The following AIDA variants were observed in gnomAD, a reference collection of about 807,000 sequenced individuals.
The protein encoded by AIDA is axin interactor, dorsalization-associated protein.
AIDA carries 18 observed loss-of-function variants against 42.7 expected under a neutral mutation model. The observed-to-expected ratio is 0.42, with a 90% CI of 0.29 to 0.63. The LOEUF is 0.63. Among genes scored for constraint, AIDA ranks in the 20% least tolerant of loss-of-function variants. AIDA has a pLI of 0.19. For missense variants in AIDA, 250 were observed against 354.1 expected (o/e 0.71, Z 2.36); for synonymous variants, 104 against 122.9 (o/e 0.85, Z 1.02).
At chr1:222,698,814 T>G (rs982811782) in intron 2 of AIDA, among the ~76,000 whole-genome samples, 1 of 152,010 alleles carries the variant, frequency 6.6e-6, no homozygotes, top group Non-Finnish European at 1.5e-5. Flanking sequence ...AGAAAGCACT[T>G]TAAAAATATG....
At chr1:222,712,036 C>A (rs1269845920) in intron 1 of AIDA, 172 bp downstream of exon 1, 2 of 965,878 alleles carry the variant, frequency 2.1e-6, no homozygotes, top group Non-Finnish European at 3.1e-6. Flanking sequence ...GAGCCGTTGT[C>A]CCTAGAGCAG....
At position 222,687,640 on chromosome 1, in the gene AIDA, G is replaced by A. The variant is rs753604271; in HGVS notation, c.308C>T (p.Thr103Ile). The change falls in exon 5 of 10, where the codon ACA (threonine) becomes ATA (isoleucine). Residue 103 changes from threonine (T) to isoleucine (I), a missense_variant. Thr to Ile is a moderately conservative substitution (Grantham distance 89, BLOSUM62 -1). Coordinates refer to ENST00000340020, the MANE Select transcript of AIDA (RefSeq NM_022831.4). Reference sequence around the variant, plus strand: ...ATCAAATGGGAATTCTTTATTATATGTAAGAATATTCTTTAGGACTAGAAT... The same window carrying A: ...ATCAAATGGGAATTCTTTATTATATATAAGAATATTCTTTAGGACTAGAAT... ...KLEPILKNIL[T>I]YNKEFPFDVQ... The A allele has an allele frequency of 2.0e-6, 3 of 1,491,258 alleles. No homozygotes were observed. The highest frequency in any genetic ancestry group is 1.8e-6 in the Non-Finnish European group (2 of 1,098,830). 92.4% of individuals were successfully genotyped at this position (1,491,258 alleles called of 1,614,324 possible). A position where few individuals can be genotyped will look rare whatever the true frequency, so the allele number is the denominator to read the frequency against.
At chr1:222,694,323 A>T in intron 2 of AIDA, 60 bp from the exon 3 acceptor site, 1 of 1,334,296 alleles carries the variant, frequency 7.5e-7, no homozygotes, top group Non-Finnish European at 1.1e-6. Flanking sequence ...AGTTCAAATC[A>T]TCAAGTTAAT....
At chr1:222,681,542 A>G (rs1664652577) in intron 6 of AIDA, among the ~76,000 whole-genome samples, 2 of 152,190 alleles carry the variant, frequency 1.3e-5, no homozygotes, top group Non-Finnish European at 1.5e-5. Context: ...GCATGACTGT[A>G]ATCGAAGCTA....
intron 6 of AIDA, among the ~76,000 whole-genome samples, chr1:222,684,985 G>GA (rs1664717190): frequency 6.6e-6 from 1 of 152,128 alleles, no homozygotes; most frequent in Admixed American, 6.5e-5. Context: ...TCGAGTCAGT[G>GA]AAACAGCAAA....
At chr1:222,695,020 T>C (rs1407807122) in intron 2 of AIDA, among the ~76,000 whole-genome samples, 3 of 152,222 alleles carry the variant, frequency 2.0e-5, no homozygotes, top group African/African-American at 4.8e-5. Context: ...ATGGTTCAAT[T>C]GTCTAAAGTC....
At position 222,673,303 on chromosome 1, in the gene AIDA, G is replaced by A; in HGVS notation, c.706+10C>T. 6.3e-7 allele frequency: 1 copy of A among 1,599,194 alleles called. No individual in the cohort carries two copies. The highest frequency in any genetic ancestry group is 8.5e-7 in the Non-Finnish European group (1 of 1,172,662). On this transcript the variant is annotated intron_variant, in intron 8 of 9. Transcript: ENST00000340020. ...CCATAAGAAGCCAAGTATTATTTAG[G>A]ATTACAAACCTTTGGTTAATTTTTC...
At chr1:222,700,724 C>G (rs1482276617) in intron 2 of AIDA, among the ~76,000 whole-genome samples, 1 of 148,934 alleles carries the variant, frequency 6.7e-6, no homozygotes, top group South Asian at 2.1e-4. Context: ...CACTGCACTC[C>G]GGCCTGGGTG....
intron 4 of AIDA, among the ~76,000 whole-genome samples, chr1:222,688,603 A>T (rs1005389395): frequency 6.9e-6 from 1 of 145,214 alleles, no homozygotes; most frequent in South Asian, 2.2e-4. Context: ...AAAAAAGTTA[A>T]TTTTTTTTTT....
chr1:222,689,569 G>GTATATATGTA (rs1558211826), intron 4 of AIDA, among the ~76,000 whole-genome samples: 6 of 100,468 alleles, frequency 6.0e-5, no homozygotes, highest in Non-Finnish European at 9.5e-5. Context: ...GTATATATAT[G>GTATATATGTA]TATATATATA....
In AIDA at chr1:222,671,196, C is replaced by A. The variant is rs528983951; in HGVS notation, c.707-946G>T. On this transcript the variant is annotated intron_variant, in intron 8 of 9. Transcript: ENST00000340020. ...TGAGCCATGATCATGCCACTGTGCC[C>A]CAGCCTGTGTGACAAAGTGAGACTC... Among the ~76,000 whole-genome samples the A allele has an allele frequency of 3.9e-5, 6 of 152,016 alleles. No homozygotes were observed. The East Asian group carries it at 1.2e-3, about 29-fold the overall frequency.
chr1:222,705,406 C>A (rs1655812274), intron 1 of AIDA, among the ~76,000 whole-genome samples: 1 of 152,156 alleles, frequency 6.6e-6, no homozygotes, highest in African/African-American at 2.4e-5. Context: ...AACTATACAT[C>A]CCTGAACTCA....
intron 8 of AIDA, among the ~76,000 whole-genome samples, chr1:222,671,617 C>T (rs1380791372): frequency 6.6e-6 from 1 of 152,168 alleles, no homozygotes; most frequent in East Asian, 1.9e-4. Context: ...ACCAATTGCT[C>T]AGGAGACAAT....
At position 222,695,706 on chromosome 1, in the gene AIDA, C is replaced by T. The variant is rs73124875; in HGVS notation, c.181-1443G>A. On this transcript the variant is annotated intron_variant, in intron 2 of 9. Transcript: ENST00000340020. ...ATTATGCCCATCAAGGCTTTTAAGT[C>T]CTTCCAAAAGAGATACTTCTTAAGT... is the stretch of plus-strand genomic sequence containing the variant. Among the ~76,000 whole-genome samples the T allele has an allele frequency of 6.8e-3, 1,039 of 152,160 alleles. 12 individuals are homozygous for T. The highest frequency in any genetic ancestry group is 0.024 in the African/African-American group (987 of 41,488).
At chr1:222,712,185 TG>T (rs766135063) in intron 1 of AIDA, 22 bp downstream of exon 1, 1 of 1,582,086 alleles carries the variant, frequency 6.3e-7, no homozygotes, top group Non-Finnish European at 8.6e-7. Context: ...CGGTCTGGCC[TG>T]CTCCCGCGGT....
chr1:222,670,299 T>C, intron 8 of AIDA, 49 bp from the exon 9 acceptor site: 1 of 1,458,518 alleles, frequency 6.9e-7, no homozygotes, highest in East Asian at 2.3e-5. Context: ...ACATTTCTTG[T>C]GTGTCAATTA....
intron 4 of AIDA, among the ~76,000 whole-genome samples, chr1:222,688,176 C>T (rs1285794594): frequency 6.6e-6 from 1 of 152,030 alleles, no homozygotes; most frequent in Non-Finnish European, 1.5e-5. Flanking sequence ...GCCATGATCA[C>T]GCCATTGCAA....
At chr1:222,687,806 C>T (rs1206296892) in intron 4 of AIDA, 148 bp from the exon 5 acceptor site, 2 of 571,138 alleles carry the variant, frequency 3.5e-6, no homozygotes, top group Admixed American at 8.5e-5. Flanking sequence ...CTACACAGTA[C>T]ATTTGTCCAC....
At chr1:222,694,823 G>A (rs1655470372) in intron 2 of AIDA, among the ~76,000 whole-genome samples, 1 of 152,142 alleles carries the variant, frequency 6.6e-6, no homozygotes, top group African/African-American at 2.4e-5. Flanking sequence ...CCTTTAATAA[G>A]CTCATGTTGC....
Sources: allele counts gnomAD v4.1 joint callset (sites outside exome capture counted in the v4.1 genomes callset), GRCh38; gene constraint gnomAD v4.1.1; transcripts MANE v1.5; gene names NCBI Gene and HGNC (gene_info 2026-07-23, HGNC 2026-07-21).